Variants in VGLL4 observed in about 807,000 individuals in gnomAD.
VGLL4 encodes the protein vestigial like family member 4, also known as transcription cofactor vestigial-like protein 4.
A neutral mutation model predicts 21.0 loss-of-function variants in VGLL4; 7 were observed. The ratio of observed to expected loss-of-function variants is 0.33; its 90% CI spans 0.19 to 0.63. VGLL4 has a LOEUF of 0.63. VGLL4 is among the 20% of genes least tolerant of loss of function. VGLL4 has a pLI of 0.78. For missense variants in VGLL4, 394 were observed against 425.7 expected (o/e 0.93, Z 0.66); for synonymous variants, 222 against 173.2 (o/e 1.28, Z -2.21).
At chr3:11,680,077 T>G (rs2076348397) in intron 2 of VGLL4, among the ~76,000 whole-genome samples, 1 of 152,196 alleles carries the variant, frequency 6.6e-6, no homozygotes, top group African/African-American at 2.4e-5. Context: ...ACACAAATAC[T>G]CATCACTGTG....
In VGLL4 at chr3:11,565,196, T is replaced by C. The variant is rs2073413831; in HGVS notation, c.273-177A>G. On this transcript the variant is annotated intron_variant, in intron 2 of 4. Coordinates refer to ENST00000430365, the MANE Select transcript of VGLL4 (RefSeq NM_001128219.3). The surrounding 1 kb of genome is among the most constrained non-coding windows in gnomAD (Gnocchi z 4.1). ...CCCGGGTCAGCCGGACACCAAAGCC[T>C]CTGGGTGCCGGAGAAGCTGCTGCCA... Among the ~76,000 whole-genome samples the C allele has an allele frequency of 6.6e-6, 1 of 152,090 alleles. No homozygotes were observed. The highest frequency in any genetic ancestry group is 1.5e-5 in the Non-Finnish European group (1 of 68,016).
intron 1 of VGLL4, chr3:11,604,208 T>C (rs2074875313): frequency 8.6e-6 from 2 of 233,846 alleles, no homozygotes; most frequent in African/African-American, 2.4e-5. Flanking sequence ...CGGTGGTAAA[T>C]GCGTGCTGTA....
chr3:11,621,103 T>C (rs1313181675), intron 1 of VGLL4, among the ~76,000 whole-genome samples: 1 of 152,188 alleles, frequency 6.6e-6, no homozygotes, highest in African/African-American at 2.4e-5. Flanking sequence ...CACAAAGAAC[T>C]TTGCAAAGAA....
At chr3:11,716,099 C>A (rs1305672865) in intron 1 of VGLL4, among the ~76,000 whole-genome samples, 1 of 151,878 alleles carries the variant, frequency 6.6e-6, no homozygotes, top group East Asian at 1.9e-4. Flanking sequence ...GTCAGGAGTT[C>A]AAGACCAGCT....
chr3:11,600,838 A>C (rs1022410357), intron 2 of VGLL4, among the ~76,000 whole-genome samples: 5 of 152,160 alleles, frequency 3.3e-5, no homozygotes, highest in Non-Finnish European at 7.4e-5. Context: ...ACACTGACTC[A>C]TGCTAGAGTG....
rs2075712572 is a variant in VGLL4, at chr3:11,642,486, A to C, written c.82+951T>G. Among the ~76,000 whole-genome samples the C allele has an allele frequency of 2.0e-5, 3 of 152,222 alleles. No homozygotes were observed. The South Asian group carries it at 6.2e-4, about 32-fold the overall frequency. Reference sequence around the variant, plus strand: ...CCGTGTATTATTGGAGAAAAAATGGAAACTGCTCCTGCTGAATGAGAAAGA... The same window carrying C: ...CCGTGTATTATTGGAGAAAAAATGGCAACTGCTCCTGCTGAATGAGAAAGA... On this transcript the variant is annotated intron_variant, in intron 1 of 4. Transcript: ENST00000430365.
chr3:11,683,552 A>T (rs1287033899), intron 2 of VGLL4, among the ~76,000 whole-genome samples: 1 of 152,222 alleles, frequency 6.6e-6, no homozygotes. Flanking sequence ...TCAATCGATG[A>T]GTGGATAAAG....
intron 1 of VGLL4, among the ~76,000 whole-genome samples, chr3:11,606,172 A>C: frequency 6.6e-6 from 1 of 152,322 alleles, no homozygotes; most frequent in African/African-American, 2.4e-5. Context: ...TTATAAAACC[A>C]TCAGATCTTG....
chr3:11,709,562 G>A (rs1256115021), intron 1 of VGLL4, among the ~76,000 whole-genome samples: 1 of 150,462 alleles, frequency 6.6e-6, no homozygotes, highest in South Asian at 2.1e-4. Flanking sequence ...AATTCATCAT[G>A]AATAGACATA....
chr3:11,563,428 C>T (rs764867810), intron 3 of VGLL4, among the ~76,000 whole-genome samples: 4 of 152,232 alleles, frequency 2.6e-5, no homozygotes, highest in Non-Finnish European at 4.4e-5. Flanking sequence ...GGTCGCACTG[C>T]GCACACGCCT....
intron 2 of VGLL4, among the ~76,000 whole-genome samples, chr3:11,672,054 T>A (rs1438597396): frequency 6.7e-6 from 1 of 149,836 alleles, no homozygotes; most frequent in African/African-American, 2.5e-5. Flanking sequence ...GCGGAATAAT[T>A]TTTCTAAATT....
intron 1 of VGLL4, among the ~76,000 whole-genome samples, chr3:11,642,313 G>GC (rs1553737167): frequency 2.6e-5 from 4 of 151,856 alleles, no homozygotes; most frequent in Non-Finnish European, 5.9e-5. Flanking sequence ...GGTTGTTGTT[G>GC]TTTTTTTTCC....
At chr3:11,685,655 C>T (rs369141755) in intron 2 of VGLL4, among the ~76,000 whole-genome samples, 1 of 152,184 alleles carries the variant, frequency 6.6e-6, no homozygotes, top group Admixed American at 6.5e-5. Flanking sequence ...AGATAATCTA[C>T]AAAATGGGAG....
rs139862530 is a variant in VGLL4, at chr3:11,562,544, T to A, written c.495+2253A>T. On this transcript the variant is annotated intron_variant, in intron 3 of 4. Transcript: ENST00000430365. Reference sequence around the variant, plus strand: ...GCTGCAGGATGACACCCAACAGACTTCCAGGAAGAGACCTCGGAGCTGCTG... The same window carrying A: ...GCTGCAGGATGACACCCAACAGACTACCAGGAAGAGACCTCGGAGCTGCTG... 3.3e-3 allele frequency among the ~76,000 whole-genome samples: 495 copies of A among 152,304 alleles called. 2 individuals carry two copies. Among genetic ancestry groups the A allele is most frequent in the African/African-American group, 0.011 (470 of 41,556 alleles).
At chr3:11,710,968 T>C (rs1225065485) in intron 1 of VGLL4, among the ~76,000 whole-genome samples, 1 of 151,816 alleles carries the variant, frequency 6.6e-6, no homozygotes, top group East Asian at 1.9e-4. Context: ...GGCGTGGTGG[T>C]GAGCACCTGT....
At chr3:11,634,750 T>C (rs2075555312) in intron 1 of VGLL4, among the ~76,000 whole-genome samples, 1 of 151,936 alleles carries the variant, frequency 6.6e-6, no homozygotes, top group African/African-American at 2.4e-5. Context: ...TGATATTGGC[T>C]CACTGCAACC....
At chr3:11,577,302 A>AT (rs1214733387) in intron 2 of VGLL4, among the ~76,000 whole-genome samples, 1 of 152,252 alleles carries the variant, frequency 6.6e-6, no homozygotes, top group Admixed American at 6.5e-5. Context: ...GGAAAATATT[A>AT]TAAAACTGTT....
intron 1 of VGLL4, among the ~76,000 whole-genome samples, chr3:11,604,133 T>G (rs1401433766): frequency 6.6e-6 from 1 of 152,188 alleles, no homozygotes; most frequent in Admixed American, 6.5e-5. Context: ...ACAGGCCCCA[T>G]GAAGGCACTC....
At chr3:11,630,789 C>T (rs1559911618) in intron 1 of VGLL4, among the ~76,000 whole-genome samples, 1 of 152,176 alleles carries the variant, frequency 6.6e-6, no homozygotes, top group African/African-American at 2.4e-5. Context: ...AATAATCCGG[C>T]AATTCTACTA....
Sources: gnomAD v4.1 joint callset for allele counts (sites outside exome capture counted in the v4.1 genomes callset) on GRCh38, gnomAD v4.1.1 for gene constraint, Gnocchi (gnomAD v3.1) non-coding constraint, MANE v1.5 for transcripts, NCBI Gene and HGNC (gene_info 2026-07-23, HGNC 2026-07-21) for gene names.